Variants in NIBAN3 observed in about 807,000 individuals in gnomAD.
NIBAN3 encodes the protein protein Niban 3.
Under a neutral mutation model 76.4 loss-of-function variants are expected in NIBAN3, and 66 were observed. The ratio of observed to expected loss-of-function variants is 0.86; its 90% confidence interval spans 0.71 to 1.06. The LOEUF (loss-of-function observed/expected upper bound fraction) is 1.06, where lower values mean the gene tolerates loss of function less well. Ranked by LOEUF, NIBAN3 falls within the 50% of genes least tolerant of loss-of-function variation. NIBAN3 has a pLI of 0.00. For synonymous variants in NIBAN3, 360 were observed against 355.2 expected, an observed-to-expected ratio of 1.01 and a Z score of -0.15; for missense variants, 808 against 810.7, an observed-to-expected ratio of 1.00 and a Z score of 0.04.
At chr19:17,525,442 G>T (rs1421948362), upstream of NIBAN3, among the ~76,000 whole-genome samples, 1 of 152,138 alleles carries the variant, frequency 6.6e-6, no homozygotes, top group East Asian at 1.9e-4. Flanking sequence ...CAGGTGAAGG[G>T]GTGGAGACGC....
chr19:17,530,050 C>A (rs1158083027), intron 1 of NIBAN3, among the ~76,000 whole-genome samples: 1 of 141,732 alleles, frequency 7.1e-6, no homozygotes, highest in Non-Finnish European at 1.5e-5. Context: ...GACAGACACC[C>A]TGTCTCAAAA....
At chr19:17,554,797 A>AAATAATAATAATAAT (rs71162154), downstream of NIBAN3, among the ~76,000 whole-genome samples, 36 of 138,138 alleles carry the variant, frequency 2.6e-4, no homozygotes, top group African/African-American at 7.2e-4. Flanking sequence ...AAAAAAAAGA[A>AAATAATAATAATAAT]AATAATAATA....
rs577599791 is a variant in NIBAN3, at chr19:17,549,378, A to C, written c.1667-66A>C. On this transcript the variant is annotated intron_variant, in intron 13 of 14. Transcript: ENST00000599164. ...TGAGACATTTGTAGTCTCTCTGGGA[A>C]AATGCAGGGAAGCCCCTTGATGCCT... 2.7e-5 allele frequency: 30 copies of C among 1,114,210 alleles called. No homozygotes were observed. In the African/African-American group the frequency reaches 4.0e-4, roughly 15 times the overall value. 69.0% of individuals were successfully genotyped at this position (1,114,210 alleles called of 1,614,324 possible). A position where few individuals can be genotyped will look rare whatever the true frequency, so the allele number is the denominator to read the frequency against.
chr19:17,550,050 C>T (rs1234862568), intron 14 of NIBAN3, among the ~76,000 whole-genome samples: 2 of 151,944 alleles, frequency 1.3e-5, no homozygotes, highest in African/African-American at 2.4e-5. Context: ...GAACTCCTGA[C>T]CTCACATGAT....
chr19:17,551,261 A>C (rs1490393095), intron 14 of NIBAN3, among the ~76,000 whole-genome samples: 1 of 148,734 alleles, frequency 6.7e-6, no homozygotes. Flanking sequence ...ACGCCCGGCT[A>C]CTTTTGTATT....
chr19:17,534,281 G>A (rs1478708471), intron 4 of NIBAN3, among the ~76,000 whole-genome samples: 11 of 152,296 alleles, frequency 7.2e-5, no homozygotes, highest in South Asian at 2.1e-4. Context: ...TTGGGAGGCC[G>A]AGGTGGGCGG....
chr19:17,550,401 T>A (rs2076135427), intron 14 of NIBAN3, among the ~76,000 whole-genome samples: 1 of 152,176 alleles, frequency 6.6e-6, no homozygotes, highest in Non-Finnish European at 1.5e-5. Context: ...GCACAGTGGC[T>A]CATGCCTGGA....
chr19:17,530,767 C>A lies in NIBAN3; in HGVS notation c.68C>A (p.Thr23Asn), dbSNP rs546659199. The stretch of plus-strand genomic sequence containing the variant: ...CTTGTCCCTGCAGGTCAGGTGGACA[C>A]CCTGCTGAGGAACTTCCTGCCTTGC... ...QRQHLRGQVDTLLRNFLPCYR... is the reference protein window; with the variant it reads ...QRQHLRGQVDNLLRNFLPCYR... The change falls in exon 2 of 15, where the codon ACC becomes AAC. Residue 23 changes from threonine to asparagine, a missense_variant. Transcript: ENST00000599164. 5.6e-6 allele frequency: 9 copies of A among 1,611,026 alleles called. No individual in the cohort carries two copies. Among genetic ancestry groups the A allele is most frequent in the Non-Finnish European group, 6.8e-6 (8 of 1,178,088 alleles).
At chr19:17,539,815 G>T (rs1419454976) in intron 8 of NIBAN3, 50 bp downstream of exon 8, 2 of 1,389,060 alleles carry the variant, frequency 1.4e-6, no homozygotes, top group Non-Finnish European at 1.9e-6. Flanking sequence ...GCGATGCTGG[G>T]GAAAAAGGGG....
intron 9 of NIBAN3, among the ~76,000 whole-genome samples, chr19:17,540,926 G>A (rs1434305280): frequency 6.6e-6 from 1 of 152,140 alleles, no homozygotes. Flanking sequence ...GTAGAGATGG[G>A]GGTCTTGCTT....
intron 12 of NIBAN3, chr19:17,543,980 A>G (rs1474732488): frequency 6.2e-6 from 1 of 160,188 alleles, no homozygotes; most frequent in African/African-American, 2.5e-5. Flanking sequence ...CGACAGAGTG[A>G]AACTCAGTCT....
At chr19:17,523,817 C>T (rs190085794), upstream of NIBAN3, among the ~76,000 whole-genome samples, 66 of 152,338 alleles carry the variant, frequency 4.3e-4, no homozygotes, top group East Asian at 0.011. Flanking sequence ...CATTCCCACC[C>T]CAGGGCCTTT....
At chr19:17,523,440 TG>T, upstream of NIBAN3, 2 of 1,563,530 alleles carry the variant, frequency 1.3e-6, no homozygotes, top group South Asian at 1.2e-5. Context: ...GGAAGTGGGA[TG>T]GGGCCTGACC....
Position 17,533,096 on chromosome 19 carries a change from A to C in NIBAN3, c.313-491A>C, listed in dbSNP as rs767712358. 2.6e-5 allele frequency among the ~76,000 whole-genome samples: 4 copies of C among 152,118 alleles called. No homozygotes were observed. In the East Asian group the frequency reaches 7.8e-4, roughly 29 times the overall value. On this transcript the variant is annotated intron_variant, in intron 3 of 14. Transcript: ENST00000599164. ...AAGAACAGCCTGGCCAACATGGTGA[A>C]ACTCCGTCTCTACTAAAAATACAAA...
rs1461565518 is a variant in NIBAN3 at position 17,539,235 on chromosome 19, C to A, written c.681C>A (p.Asp227Glu). ...LYRQHQGHFG[D>E]DDVTLGSDAE... Reference sequence around the variant, plus strand: ...GGCAGCACCAAGGCCACTTTGGCGACGACGACGTGACCCTAGGCTCAGACG... The same window carrying A: ...GGCAGCACCAAGGCCACTTTGGCGAAGACGACGTGACCCTAGGCTCAGACG... Residue 227 changes from aspartate to glutamate, a missense_variant, in exon 6 of 15, where the codon GAC becomes GAA. Physicochemically the swap from Asp to Glu is conservative, Grantham distance 45. Coordinates refer to ENST00000599164, the MANE Select transcript of NIBAN3 (RefSeq NM_001321827.2). 1 of 1,607,998 alleles carries A rather than the reference C, an allele frequency of 6.2e-7. No individual in the cohort carries two copies. The highest frequency in any genetic ancestry group is 8.5e-7 in the Non-Finnish European group (1 of 1,177,568).
At chr19:17,546,876 G>C (rs992953280) in intron 13 of NIBAN3, 79 bp downstream of exon 13, 3 of 1,501,700 alleles carry the variant, frequency 2.0e-6, no homozygotes, top group Non-Finnish European at 2.7e-6. Flanking sequence ...GGGCCACATC[G>C]ACTCTCACTT....
intron 12 of NIBAN3, chr19:17,546,358 A>G: frequency 5.6e-6 from 1 of 177,892 alleles, no homozygotes; most frequent in East Asian, 1.8e-4. Flanking sequence ...CTTGCCGCCC[A>G]CAACCCGCCA....
chr19:17,551,816 G>A lies in NIBAN3; in HGVS notation c.1781G>A (p.Gly594Glu). The A allele has an allele frequency of 1.3e-6, 1 of 779,820 alleles. No individual in the cohort carries two copies. The highest frequency in any genetic ancestry group is 1.7e-5 in the Admixed American group (1 of 58,988). The allele number at this position is 779,820 out of a possible 1,614,324, so 48.3% of individuals were successfully genotyped here. The change falls in exon 15 of 15, where the codon GGG becomes GAG. Residue 594 changes from glycine (G) to glutamate (E), a missense_variant. Physicochemically the swap from Gly to Glu is moderately conservative, Grantham distance 98. Coordinates refer to ENST00000599164, the MANE Select transcript of NIBAN3 (RefSeq NM_001321827.2). ...DEETEAEREG[G>E]ACPRQPDSGA... ...GAAACTGAGGCTGAGCGGGAAGGAG[G>A]GGCTTGTCCCAGGCAGCCAGACTCT... is the stretch of plus-strand genomic sequence containing the variant.
chr19:17,534,849 G>T lies in NIBAN3; in HGVS notation c.427+1148G>T, dbSNP rs376638324. 3.3e-5 allele frequency among the ~76,000 whole-genome samples: 5 copies of T among 151,886 alleles called. No individual in the cohort carries two copies. The East Asian group carries it at 7.7e-4, about 24-fold the overall frequency. On this transcript the variant is annotated intron_variant, in intron 4 of 14. Transcript: ENST00000599164. ...AGAGAAGGAACAATTCCAATTCCAG[G>T]CATGTGCCTGGCAAATAACTCAGCA...
Sources: gnomAD v4.1 joint callset for allele counts (sites outside exome capture counted in the v4.1 genomes callset) on GRCh38, gnomAD v4.1.1 for gene constraint, MANE v1.5 for transcripts, NCBI Gene and HGNC (gene_info 2026-07-23, HGNC 2026-07-21) for gene names.